Variants in ASPH observed in about 807,000 individuals in gnomAD.
ASPH encodes aspartyl/asparaginyl beta-hydroxylase.
A neutral mutation model predicts 118.4 loss-of-function variants in ASPH; 100 were observed. The observed-to-expected ratio is 0.84, with a 90% CI of 0.72 to 1.00. The LOEUF is 1.00. Among genes scored for constraint, ASPH ranks in the 50% least tolerant of loss-of-function variants. The pLI, the probability that ASPH is intolerant of heterozygous loss-of-function variation, is 0.00. For missense variants in ASPH, 920 were observed against 919.5 expected (o/e 1.00, Z -0.01); for synonymous variants, 315 against 325.6 (o/e 0.97, Z 0.35).
intron 22 of ASPH, among the ~76,000 whole-genome samples, chr8:61,521,578 G>T (rs747011702): frequency 6.6e-6 from 1 of 152,172 alleles, no homozygotes; most frequent in Non-Finnish European, 1.5e-5. Context: ...TGCATTGTAA[G>T]TTAGAAGGCA....
intron 1 of ASPH, among the ~76,000 whole-genome samples, chr8:61,703,547 A>G (rs976934298): frequency 6.6e-6 from 1 of 152,224 alleles, no homozygotes; most frequent in Non-Finnish European, 1.5e-5. Context: ...AATATTTAGA[A>G]AAATGTTTAA....
At chr8:61,661,940 T>C (rs1817121003) in intron 3 of ASPH, 2 of 451,072 alleles carry the variant, frequency 4.4e-6, no homozygotes, top group Non-Finnish European at 7.9e-6. Context: ...TAAAATAAAA[T>C]TGAAAGACTT....
At chr8:61,590,550 C>CTGTGTGTGTGTGTGTGTGTG (rs5891814) in intron 14 of ASPH, among the ~76,000 whole-genome samples, 13 of 146,696 alleles carry the variant, frequency 8.9e-5, no homozygotes, top group African/African-American at 2.8e-4. Context: ...TAATTTAACT[C>CTGTGTGTGTGTGTGTGTGTG]TGTGTGTGTG....
chr8:61,526,178 T>C, intron 21 of ASPH, 66 bp from the exon 22 acceptor site: 1 of 1,578,390 alleles, frequency 6.3e-7, no homozygotes. Flanking sequence ...ATAATGACTC[T>C]TGTTTTTTTT....
At chr8:61,522,438 C>T (rs1813461765) in intron 22 of ASPH, among the ~76,000 whole-genome samples, 1 of 152,026 alleles carries the variant, frequency 6.6e-6, no homozygotes, top group African/African-American at 2.4e-5. Flanking sequence ...TTCTTGTGTC[C>T]TCACACGTCA....
At chr8:61,706,476 G>GAAGAAAGAAGAAAGAAGAAAA (rs926742540) in intron 1 of ASPH, among the ~76,000 whole-genome samples, 47 of 142,678 alleles carry the variant, frequency 3.3e-4, no homozygotes, top group African/African-American at 9.9e-4. Context: ...GGAAGAAGAA[G>GAAGAAAGAAGAAAGAAGAAAA]AAGAAAGAAG....
At chr8:61,558,657 C>T (rs745962332) in intron 18 of ASPH, among the ~76,000 whole-genome samples, 13 of 152,240 alleles carry the variant, frequency 8.5e-5, no homozygotes, top group Non-Finnish European at 1.3e-4. Context: ...GGGCAGCTGA[C>T]AGTGCTGCCC....
chr8:61,593,442 C>G (rs910016894), intron 14 of ASPH, among the ~76,000 whole-genome samples: 9 of 152,282 alleles, frequency 5.9e-5, no homozygotes, highest in African/African-American at 2.2e-4. Flanking sequence ...CAACTATATA[C>G]CAGCAGGAGG....
At chr8:61,590,048 T>C (rs1163842445) in intron 14 of ASPH, among the ~76,000 whole-genome samples, 2 of 152,114 alleles carry the variant, frequency 1.3e-5, no homozygotes, top group Non-Finnish European at 2.9e-5. Context: ...GTTTGTTTTT[T>C]GGTTTTTTTG....
chr8:61,614,169 G>C (rs1848304575), intron 14 of ASPH, among the ~76,000 whole-genome samples: 1 of 152,036 alleles, frequency 6.6e-6, no homozygotes, highest in Non-Finnish European at 1.5e-5. Flanking sequence ...AAATCTTTAA[G>C]TGTTTTAAAG....
At chr8:61,702,829 A>G (rs887651278) in intron 1 of ASPH, among the ~76,000 whole-genome samples, 5 of 152,222 alleles carry the variant, frequency 3.3e-5, no homozygotes, top group Admixed American at 3.3e-4. Context: ...GTTATCATTT[A>G]CCATCTAAAG....
intron 1 of ASPH, among the ~76,000 whole-genome samples, chr8:61,692,232 A>G (rs1416276229): frequency 6.6e-6 from 1 of 152,240 alleles, no homozygotes. Context: ...AAACCCTCTG[A>G]AATATCATTT....
At chr8:61,689,948 CCTTTCTCCCACTTACGGGATT>C in intron 1 of ASPH, 1 of 913,138 alleles carries the variant, frequency 1.1e-6, no homozygotes. Flanking sequence ...AACACCACAG[CCTTTCTCCCACTTACGGGATT>C]CTTTTCCCAG....
In ASPH at chr8:61,567,244, C is replaced by T. The variant is rs1248762790; in HGVS notation, c.1224G>A (p.Val408=). The change falls in exon 17 of 25, where the codon GTG becomes GTA. Residue 408 remains valine, a synonymous_variant. Coordinates refer to ENST00000379454, the MANE Select transcript of ASPH (RefSeq NM_004318.4). ...CTGCAGGGACATCAGGTAGGCTGGC[C>T]ACCTCTTGGTAGGTCTCGATGGCTC... ...LRGAIETYQE[V]ASLPDVPADL... is the part of the protein sequence containing the mutation. 1.9e-6 allele frequency: 3 copies of T among 1,613,980 alleles called. No homozygotes were observed. In the East Asian group the frequency reaches 6.7e-5, roughly 36 times the overall value.
At chr8:61,711,123 ACTAAAAGG>A (rs1296321872) in intron 1 of ASPH, among the ~76,000 whole-genome samples, 3 of 152,186 alleles carry the variant, frequency 2.0e-5, no homozygotes, top group Admixed American at 2.0e-4. Flanking sequence ...CAAGCTTCAA[ACTAAAAGG>A]GGGATATATT....
At chr8:61,677,237 T>C (rs1044803840) in intron 3 of ASPH, among the ~76,000 whole-genome samples, 23 of 152,160 alleles carry the variant, frequency 1.5e-4, no homozygotes. Flanking sequence ...AAAGTATATA[T>C]TGTTTTCATC....
At chr8:61,598,595 C>A (rs1030548671) in intron 14 of ASPH, among the ~76,000 whole-genome samples, 1 of 152,072 alleles carries the variant, frequency 6.6e-6, no homozygotes, top group Admixed American at 6.5e-5. Context: ...AGACAGAAAA[C>A]CAACAAAATA....
At chr8:61,607,989 T>C (rs1316613654) in intron 14 of ASPH, among the ~76,000 whole-genome samples, 1 of 152,088 alleles carries the variant, frequency 6.6e-6, no homozygotes, top group Non-Finnish European at 1.5e-5. Context: ...ATGGGGGACT[T>C]GAGACAGTGG....
chr8:61,641,173 C>T (rs1232470302), intron 10 of ASPH, among the ~76,000 whole-genome samples: 1 of 152,098 alleles, frequency 6.6e-6, no homozygotes, highest in Non-Finnish European at 1.5e-5. Context: ...CTGCCTTTTG[C>T]TAACATTTTA....
Sources: allele counts gnomAD v4.1 joint callset (sites outside exome capture counted in the v4.1 genomes callset), GRCh38; gene constraint gnomAD v4.1.1; transcripts MANE v1.5; gene names NCBI Gene and HGNC (gene_info 2026-07-23, HGNC 2026-07-21).